Variants in BRINP1 observed in about 807,000 individuals in gnomAD.
BRINP1 encodes the protein BMP/retinoic acid inducible neural specific 1.
Under a neutral mutation model 72.9 loss-of-function variants are expected in BRINP1, and 17 were observed. The ratio of observed to expected loss-of-function variants is 0.23; its 90% CI spans 0.16 to 0.35. BRINP1 has a LOEUF of 0.35. Ranked by LOEUF, BRINP1 falls within the 10% of genes least tolerant of loss-of-function variation. The pLI is 1.00. For missense variants in BRINP1, 850 were observed against 1,001.6 expected (o/e 0.85, Z 2.04); for synonymous variants, 418 against 378.5 (o/e 1.10, Z -1.21).
intron 7 of BRINP1, among the ~76,000 whole-genome samples, chr9:119,171,005 C>T (rs545096450): frequency 0.024 from 3,486 of 143,766 alleles, 86 homozygotes; most frequent in African/African-American, 0.062. Context: ...AAGGAACAAC[C>T]GGTACCAGCC....
chr9:119,263,709 G>A (rs1251601060), intron 2 of BRINP1, among the ~76,000 whole-genome samples: 1 of 134,536 alleles, frequency 7.4e-6, no homozygotes, highest in Admixed American at 9.0e-5. Context: ...CTGGGTTCAC[G>A]CCATTCTCCT....
At chr9:119,323,956 A>C (rs1831214141) in intron 1 of BRINP1, among the ~76,000 whole-genome samples, 1 of 152,172 alleles carries the variant, frequency 6.6e-6, no homozygotes, top group Non-Finnish European at 1.5e-5. Context: ...GAACCCCCCA[A>C]ATTTTCACCT....
chr9:119,325,240 T>C (rs759993303), intron 1 of BRINP1, among the ~76,000 whole-genome samples: 1 of 152,122 alleles, frequency 6.6e-6, no homozygotes, highest in Non-Finnish European at 1.5e-5. Flanking sequence ...ATAATCAACA[T>C]CTCTAGGAAA....
chr9:119,213,694 C>T, intron 6 of BRINP1: 1 of 612,906 alleles, frequency 1.6e-6, no homozygotes, highest in Middle Eastern at 4.5e-4. Flanking sequence ...AACAATACAT[C>T]ATATGACCAC....
intron 2 of BRINP1, among the ~76,000 whole-genome samples, chr9:119,250,292 A>G (rs1830372896): frequency 6.6e-6 from 1 of 152,194 alleles, no homozygotes; most frequent in Non-Finnish European, 1.5e-5. Flanking sequence ...GTATTCATTG[A>G]GCACCTAGTA....
intron 6 of BRINP1, chr9:119,213,506 A>C: frequency 3.8e-6 from 1 of 265,296 alleles, no homozygotes; most frequent in Non-Finnish European, 7.2e-6. Flanking sequence ...ACATAGAGGT[A>C]TGTTTATCTA....
Position 119,298,247 on chromosome 9 carries a change from A to G in BRINP1, c.218+14891T>C, listed in dbSNP as rs140830045. On this transcript the variant is annotated intron_variant, in intron 2 of 7. Transcript: ENST00000265922. The stretch of plus-strand genomic sequence containing the variant: ...GTCCCTCATGCCTGTAAACAGGAAC[A>G]ATAGGGCCCATATTTACATGACAGT... Among the ~76,000 whole-genome samples, 362 of 152,330 alleles carry G rather than the reference A, an allele frequency of 2.4e-3. 1 individual carries two copies. The highest frequency in any genetic ancestry group is 8.2e-3 in the African/African-American group (339 of 41,576).
intron 1 of BRINP1, among the ~76,000 whole-genome samples, chr9:119,360,054 A>G (rs1165651283): frequency 6.6e-6 from 1 of 152,190 alleles, no homozygotes; most frequent in African/African-American, 2.4e-5. Context: ...TTCAGGAATC[A>G]CTTGCAAGGC....
intron 1 of BRINP1, among the ~76,000 whole-genome samples, chr9:119,355,184 C>T (rs997365614): frequency 2.0e-5 from 3 of 152,058 alleles, no homozygotes; most frequent in Non-Finnish European, 2.9e-5. Flanking sequence ...CACTACAACC[C>T]GTCACCCAAA....
At chr9:119,274,284 C>A (rs181307342) in intron 2 of BRINP1, among the ~76,000 whole-genome samples, 1 of 152,194 alleles carries the variant, frequency 6.6e-6, no homozygotes, top group African/African-American at 2.4e-5. Context: ...GAGAACCCAG[C>A]GTCCCTTTGC....
intron 1 of BRINP1, among the ~76,000 whole-genome samples, chr9:119,335,035 G>C (rs1831334260): frequency 6.6e-6 from 1 of 152,194 alleles, no homozygotes; most frequent in East Asian, 1.9e-4. Context: ...GCCATGCACT[G>C]CTGGAGAGCA....
chr9:119,313,671 G>A (rs1402191373), intron 1 of BRINP1, among the ~76,000 whole-genome samples: 4 of 152,058 alleles, frequency 2.6e-5, no homozygotes, highest in Non-Finnish European at 5.9e-5. Context: ...AAACTGTTTG[G>A]TCTATTATGG....
chr9:119,203,563 T>C (rs935109561), intron 7 of BRINP1, among the ~76,000 whole-genome samples: 1 of 152,220 alleles, frequency 6.6e-6, no homozygotes, highest in African/African-American at 2.4e-5. Context: ...CATTTAATCC[T>C]GAAAACAACC....
intron 1 of BRINP1, among the ~76,000 whole-genome samples, chr9:119,363,105 T>C (rs546963337): frequency 1.3e-5 from 2 of 152,186 alleles, no homozygotes; most frequent in Non-Finnish European, 2.9e-5. Flanking sequence ...TGTTTGGTTT[T>C]GTTTTGTTTT....
Position 119,214,101 on chromosome 9 carries a change from A to G in BRINP1, c.740T>C (p.Leu247Ser), listed in dbSNP as rs1378670815. ...YLQEKFVQSA[L>S]SYIMCNGEGE... ...CTCCCCATTGCACATGATATAGCTCAAGGCCGACTGGACAAACTTCTCTTG... is the reference window on the plus strand; with the variant it reads ...CTCCCCATTGCACATGATATAGCTCGAGGCCGACTGGACAAACTTCTCTTG... Residue 247 changes from leucine to serine, a missense_variant, in exon 6 of 8, where the codon TTG (leucine) becomes TCG (serine). Physicochemically the swap from Leu to Ser is moderately radical, Grantham distance 145. Coordinates refer to ENST00000265922, the MANE Select transcript of BRINP1 (RefSeq NM_014618.3). 1 of 1,612,602 alleles carries G rather than the reference A, an allele frequency of 6.2e-7. No homozygotes were observed.
At chr9:119,315,571 A>G (rs1438347066) in intron 1 of BRINP1, among the ~76,000 whole-genome samples, 2 of 152,162 alleles carry the variant, frequency 1.3e-5, no homozygotes, top group South Asian at 2.1e-4. Flanking sequence ...ACCTACAATG[A>G]CCTATAATTG....
intron 7 of BRINP1, among the ~76,000 whole-genome samples, chr9:119,206,419 C>CAAAAAAAAA (rs56106482): frequency 2.3e-5 from 2 of 87,166 alleles, no homozygotes; most frequent in Admixed American, 1.2e-4. Flanking sequence ...GACTCCATCT[C>CAAAAAAAAA]AAAAAAAAAA....
At chr9:119,300,822 G>A (rs1216237714) in intron 2 of BRINP1, among the ~76,000 whole-genome samples, 1 of 152,314 alleles carries the variant, frequency 6.6e-6, no homozygotes, top group African/African-American at 2.4e-5. Context: ...CTTGCCTTAT[G>A]TGCTATATCA....
chr9:119,355,440 T>C (rs1382349090), intron 1 of BRINP1, among the ~76,000 whole-genome samples: 1 of 152,120 alleles, frequency 6.6e-6, no homozygotes, highest in Non-Finnish European at 1.5e-5. Context: ...TTAAAAATGA[T>C]ACACCCGGCC....
Sources: gnomAD v4.1 joint callset for allele counts (sites outside exome capture counted in the v4.1 genomes callset) on GRCh38, gnomAD v4.1.1 for gene constraint, MANE v1.5 for transcripts, NCBI Gene and HGNC (gene_info 2026-07-23, HGNC 2026-07-21) for gene names.